Variants in ZFPM2 observed in about 807,000 individuals in gnomAD.
The protein encoded by ZFPM2 is zinc finger protein, FOG family member 2.
ZFPM2 carries 20 observed loss-of-function variants against 98.6 expected under a neutral mutation model. That is an observed-to-expected ratio of 0.20 (90% CI 0.14 to 0.29). The LOEUF (loss-of-function observed/expected upper bound fraction) is 0.29. Among genes scored for constraint, ZFPM2 ranks in the 10% least tolerant of loss-of-function variants. The probability of loss-of-function intolerance (pLI) is 1.00; values close to 1 mark genes in which losing one functional copy is unlikely to be tolerated. For missense variants in ZFPM2, 1,310 were observed against 1,388.6 expected (o/e 0.94, Z 0.90); for synonymous variants, 518 against 502.7 (o/e 1.03, Z -0.41).
At chr8:105,723,593 T>TGAAACCAATCCA (rs1811724858) in intron 5 of ZFPM2, among the ~76,000 whole-genome samples, 1 of 151,840 alleles carries the variant, frequency 6.6e-6, no homozygotes, top group African/African-American at 2.4e-5. Flanking sequence ...AAAGCATTCG[T>TGAAACCAATCCA]GAAACCAATC....
chr8:105,553,285 G>C (rs1814906289), intron 3 of ZFPM2, among the ~76,000 whole-genome samples: 1 of 152,106 alleles, frequency 6.6e-6, no homozygotes, highest in Non-Finnish European at 1.5e-5. Flanking sequence ...CTTAAGACCA[G>C]CCAGAATAAT....
At chr8:105,547,542 C>CAA (rs148322534) in intron 3 of ZFPM2, among the ~76,000 whole-genome samples, 2,576 of 47,064 alleles carry the variant, frequency 0.055, 365 homozygotes, top group African/African-American at 0.1. Context: ...AACTCCATCT[C>CAA]AAAAAAAAAA....
chr8:105,451,875 TA>T (rs1812491565), intron 3 of ZFPM2: 1 of 152,206 alleles, frequency 6.6e-6, no homozygotes, highest in Non-Finnish European at 1.5e-5. Context: ...CTATAATTTT[TA>T]ATTTATTTTA....
chr8:105,364,810 G>A (rs139799960), intron 1 of ZFPM2, among the ~76,000 whole-genome samples: 333 of 152,158 alleles, frequency 2.2e-3, no homozygotes, highest in African/African-American at 5.8e-3. Context: ...CAGCTCGAAC[G>A]GACAATCCAT....
chr8:105,766,754 A>G (rs1812860762), intron 5 of ZFPM2, among the ~76,000 whole-genome samples: 1 of 151,864 alleles, frequency 6.6e-6, no homozygotes, highest in African/African-American at 2.4e-5. Flanking sequence ...TCTCAGACCT[A>G]TAAATCTGAT....
chr8:105,354,546 A>G (rs1812705165), intron 1 of ZFPM2, among the ~76,000 whole-genome samples: 1 of 152,188 alleles, frequency 6.6e-6, no homozygotes, highest in Non-Finnish European at 1.5e-5. Context: ...GGCAGTAGGC[A>G]TGTATTGGTG....
intron 5 of ZFPM2, chr8:105,678,539 A>G (rs1392807101): frequency 6.6e-6 from 1 of 152,232 alleles, no homozygotes; most frequent in Non-Finnish European, 1.5e-5. Flanking sequence ...TGGACACCAC[A>G]TATGAGGAAA....
chr8:105,802,467 C>G lies in ZFPM2; in HGVS notation c.2385C>G (p.Val795=), dbSNP rs35998713. 47,751 of 1,613,404 alleles carry G rather than the reference C, an allele frequency of 0.03. 1,348 individuals carry two copies. The highest frequency in any genetic ancestry group is 0.14 in the African/African-American group (10,346 of 75,006). Residue 795 remains valine (V), a synonymous_variant, in exon 8 of 8, where the codon GTC becomes GTG. Coordinates refer to ENST00000407775, the MANE Select transcript of ZFPM2 (RefSeq NM_012082.4). ...HPRCDIFPGI[V]SKHLETSLTI... is the part of the protein sequence containing the mutation. The stretch of plus-strand genomic sequence containing the variant: ...GATGTGATATCTTTCCAGGAATTGT[C>G]TCTAAACACTTGGAAACTTCTCTGA...
In ZFPM2 at chr8:105,466,286, G is replaced by A. The variant is rs555770573; in HGVS notation, c.301+21905G>A. 3.4e-4 allele frequency among the ~76,000 whole-genome samples: 51 copies of A among 152,048 alleles called. No individual in the cohort carries two copies. In the East Asian group the frequency reaches 8.7e-3, roughly 26 times the overall value. On this transcript the variant is annotated intron_variant, in intron 3 of 7. Coordinates refer to ENST00000407775, the MANE Select transcript of ZFPM2 (RefSeq NM_012082.4). Reference sequence around the variant, plus strand: ...TAAAACATTTCAAAATCATATTTATGTGGTACTGGAAAAAATGCTAAGAAA... The same window carrying A: ...TAAAACATTTCAAAATCATATTTATATGGTACTGGAAAAAATGCTAAGAAA...
chr8:105,716,361 A>G (rs980396489), intron 5 of ZFPM2, among the ~76,000 whole-genome samples: 5 of 151,856 alleles, frequency 3.3e-5, no homozygotes, highest in African/African-American at 9.6e-5. Flanking sequence ...ATGAATGTCT[A>G]CTAAACTTGT....
At chr8:105,679,417 C>T (rs571559008) in intron 5 of ZFPM2, among the ~76,000 whole-genome samples, 2 of 152,090 alleles carry the variant, frequency 1.3e-5, no homozygotes, top group African/African-American at 4.8e-5. Flanking sequence ...TTTGTCACCT[C>T]TGTTGTTTAT....
chr8:105,684,356 T>C (rs1045204371), intron 5 of ZFPM2, among the ~76,000 whole-genome samples: 5 of 152,060 alleles, frequency 3.3e-5, no homozygotes, highest in African/African-American at 1.2e-4. Flanking sequence ...AGAATGAAAA[T>C]TGGGGTGTCA....
intron 3 of ZFPM2, among the ~76,000 whole-genome samples, chr8:105,472,616 C>A (rs1026710833): frequency 6.6e-6 from 1 of 152,112 alleles, no homozygotes; most frequent in Non-Finnish European, 1.5e-5. Flanking sequence ...CATTCTCCTG[C>A]CTCAGCCTCC....
At chr8:105,569,475 T>C (rs1815310825) in intron 4 of ZFPM2, among the ~76,000 whole-genome samples, 1 of 152,180 alleles carries the variant, frequency 6.6e-6, no homozygotes, top group Admixed American at 6.6e-5. Flanking sequence ...ACCTGTTTTA[T>C]TTGTTTATAG....
intron 5 of ZFPM2, among the ~76,000 whole-genome samples, chr8:105,689,287 T>C (rs1810820151): frequency 6.6e-6 from 1 of 152,188 alleles, no homozygotes. Context: ...GATATAATTG[T>C]TAGAGTTGAA....
chr8:105,580,173 C>T (rs1815558499), intron 4 of ZFPM2, among the ~76,000 whole-genome samples: 1 of 152,106 alleles, frequency 6.6e-6, no homozygotes, highest in Non-Finnish European at 1.5e-5. Flanking sequence ...AGGACTGGCA[C>T]CAAACATAAA....
intron 3 of ZFPM2, among the ~76,000 whole-genome samples, chr8:105,535,772 A>T (rs1814437531): frequency 1.3e-5 from 2 of 152,176 alleles, no homozygotes; most frequent in South Asian, 4.1e-4. Flanking sequence ...GATTAGAGTC[A>T]TTCATAAGCA....
chr8:105,787,743 AAAG>A (rs1563564382), intron 5 of ZFPM2: 1 of 152,212 alleles, frequency 6.6e-6, no homozygotes, highest in South Asian at 2.1e-4. Context: ...ATGAAAAAAA[AAAG>A]AGCTTTATAA....
chr8:105,768,264 A>G (rs141887101), intron 5 of ZFPM2, among the ~76,000 whole-genome samples: 40 of 152,056 alleles, frequency 2.6e-4, no homozygotes, highest in African/African-American at 9.6e-4. Context: ...TAGATATAAC[A>G]CTATTAATAA....
Sources: allele counts gnomAD v4.1 joint callset (sites outside exome capture counted in the v4.1 genomes callset), GRCh38; gene constraint gnomAD v4.1.1; transcripts MANE v1.5; gene names NCBI Gene and HGNC (gene_info 2026-07-23, HGNC 2026-07-21).